The following CFLAR variants were observed in gnomAD, a reference collection of about 807,000 sequenced individuals.
The protein encoded by CFLAR is CASP8 and FADD like apoptosis regulator.
CFLAR carries 14 observed loss-of-function variants against 51.1 expected under a neutral mutation model. The ratio of observed to expected loss-of-function variants is 0.27; its 90% CI spans 0.18 to 0.43. CFLAR has a LOEUF of 0.43. CFLAR is among the 20% of genes least tolerant of loss of function. The pLI is 1.00. For synonymous variants in CFLAR, 210 were observed against 211.6 expected (o/e 0.99, Z 0.06); for missense variants, 390 against 566.5 (o/e 0.69, Z 3.16).
At position 201,116,170 on chromosome 2, in the gene CFLAR, G is replaced by C. The variant is rs1319384824; in HGVS notation, c.-449G>C. On this transcript the variant is annotated 5_prime_UTR_variant, in exon 1 of 10. Coordinates refer to ENST00000309955, the MANE Select transcript of CFLAR (RefSeq NM_003879.7). This position sits in a 1 kb window ranked among gnomAD's most constrained non-coding sequence, Gnocchi z 4.8. ...GGTTACTGCATACTCAGTCACACAA[G>C]CCATAGCAGGAAACAGCGAGCTTGC... 1 of 152,218 alleles carries C rather than the reference G, an allele frequency of 6.6e-6. No homozygotes were observed. Among genetic ancestry groups the C allele is most frequent in the African/African-American group, 2.4e-5 (1 of 41,460 alleles). 9.4% of individuals were successfully genotyped at this position (152,218 alleles called of 1,614,324 possible). A position where few individuals can be genotyped will look rare whatever the true frequency, so the allele number is the denominator to read the frequency against.
chr2:201,138,412 A>C lies in CFLAR; in HGVS notation c.524-1945A>C. 1 of 789,950 alleles carries C rather than the reference A, an allele frequency of 1.3e-6. No homozygotes were observed. Among genetic ancestry groups the C allele is most frequent in the Non-Finnish European group, 2.3e-6 (1 of 434,132 alleles). 48.9% of individuals were successfully genotyped at this position (789,950 alleles called of 1,614,324 possible). A position where few individuals can be genotyped will look rare whatever the true frequency, so the allele number is the denominator to read the frequency against. On this transcript the variant is annotated intron_variant, in intron 4 of 9. Coordinates refer to ENST00000309955, the MANE Select transcript of CFLAR (RefSeq NM_003879.7). This position sits in a 1 kb window ranked among gnomAD's most constrained non-coding sequence, Gnocchi z 4.0. ...TGCAGGTGATAATGGCCACCAGCTC[A>C]TCGCGATCATTGACGATAGGCAGCT...
At chr2:201,134,256 C>T (rs866311023) in intron 3 of CFLAR, among the ~76,000 whole-genome samples, 6 of 151,012 alleles carry the variant, frequency 4.0e-5, no homozygotes, top group Admixed American at 1.3e-4. Flanking sequence ...TGCAGTGAGT[C>T]GAGATTGCAC....
Position 201,138,887 on chromosome 2 carries a change from T to A in CFLAR, c.524-1470T>A. On this transcript the variant is annotated intron_variant, in intron 4 of 9. Transcript: ENST00000309955. The surrounding 1 kb of genome is among the most constrained non-coding windows in gnomAD (Gnocchi z 4.0). ...TCAGCGGCGTCTTCAGAGTGACCAT[T>A]GGGTCAGGGCTGAGGTCAGGTCCAC... is the stretch of plus-strand genomic sequence containing the variant. 1 of 691,462 alleles carries A rather than the reference T, an allele frequency of 1.4e-6. No homozygotes were observed. Among genetic ancestry groups the A allele is most frequent in the Non-Finnish European group, 2.7e-6 (1 of 370,322 alleles). The allele number at this position is 691,462 out of a possible 1,614,324, so 42.8% of individuals were successfully genotyped here. A position where few individuals can be genotyped will look rare whatever the true frequency, so the allele number is the denominator to read the frequency against.
chr2:201,137,815 AGCCCAT>A, intron 4 of CFLAR: 1 of 1,206,248 alleles, frequency 8.3e-7, no homozygotes, highest in Non-Finnish European at 1.2e-6. Context: ...GCATCCAGTG[AGCCCAT>A]GCCCTGGTAC....
intron 8 of CFLAR, 24 bp from the exon 9 acceptor site, chr2:201,160,408 G>GTT: frequency 6.2e-7 from 1 of 1,602,686 alleles, no homozygotes; most frequent in South Asian, 1.1e-5. Flanking sequence ...GTTGTTTTCC[G>GTT]TGTTTGTTTT....
At chr2:201,155,099 G>A (rs1196747597) in intron 8 of CFLAR, among the ~76,000 whole-genome samples, 1 of 152,204 alleles carries the variant, frequency 6.6e-6, no homozygotes, top group Non-Finnish European at 1.5e-5. Context: ...CCTGTGCTAG[G>A]CCCTGGTGGG....
intron 1 of CFLAR, chr2:201,129,502 G>A: frequency 2.6e-6 from 1 of 385,722 alleles, no homozygotes; most frequent in Non-Finnish European, 4.6e-6. Context: ...TTCATCTGTT[G>A]TTTCATTTCC....
chr2:201,120,958 A>G (rs930894393), intron 1 of CFLAR, among the ~76,000 whole-genome samples: 1 of 152,180 alleles, frequency 6.6e-6, no homozygotes, highest in African/African-American at 2.4e-5. Context: ...TAAATGAAAA[A>G]AGTAACTCCT....
At chr2:201,152,388 G>A (rs151064186) in intron 8 of CFLAR, among the ~76,000 whole-genome samples, 34 of 152,180 alleles carry the variant, frequency 2.2e-4, no homozygotes, top group African/African-American at 8.2e-4. Flanking sequence ...CTGTAAAGTG[G>A]GTTAATAACA....
Position 201,138,044 on chromosome 2 carries a change from G to T in CFLAR, c.523+1937G>T. 1.4e-6 allele frequency: 1 copy of T among 723,410 alleles called. No homozygotes were observed. 44.8% of individuals were successfully genotyped at this position (723,410 alleles called of 1,614,324 possible). On this transcript the variant is annotated intron_variant, in intron 4 of 9. Coordinates refer to ENST00000309955, the MANE Select transcript of CFLAR (RefSeq NM_003879.7). This position sits in a 1 kb window ranked among gnomAD's most constrained non-coding sequence, Gnocchi z 4.0. Reference sequence around the variant, plus strand: ...ACACAGCAGTGCCCTGGGGCTGACTGCAGGCTATCACTTCCTGGTTGATGT... The same window carrying T: ...ACACAGCAGTGCCCTGGGGCTGACTTCAGGCTATCACTTCCTGGTTGATGT...
chr2:201,138,927 A>T lies in CFLAR; in HGVS notation c.524-1430A>T. On this transcript the variant is annotated intron_variant, in intron 4 of 9. Coordinates refer to ENST00000309955, the MANE Select transcript of CFLAR (RefSeq NM_003879.7). This position sits in a 1 kb window ranked among gnomAD's most constrained non-coding sequence, Gnocchi z 4.0. ...GTCAGGTCCACCTCATCAGCTATGAAGTCTATGAATCCTGGGAGAATCAAG... is the reference window on the plus strand; with the variant it reads ...GTCAGGTCCACCTCATCAGCTATGATGTCTATGAATCCTGGGAGAATCAAG... 1 of 641,344 alleles carries T rather than the reference A, an allele frequency of 1.6e-6. No individual in the cohort carries two copies. The highest frequency in any genetic ancestry group is 1.8e-5 in the Admixed American group (1 of 54,910). The allele number at this position is 641,344 out of a possible 1,614,324, so 39.7% of individuals were successfully genotyped here.
intron 5 of CFLAR, among the ~76,000 whole-genome samples, chr2:201,142,989 A>T (rs1939291102): frequency 6.6e-6 from 1 of 152,182 alleles, no homozygotes; most frequent in African/African-American, 2.4e-5. Context: ...CAGATTTAGG[A>T]TTCAGATCCA....
Position 201,175,095 on chromosome 2 carries a change from T to C in CFLAR, c.*11122T>C, listed in dbSNP as rs2125995341. 6.6e-6 allele frequency: 1 copy of C among 152,362 alleles called. No individual in the cohort carries two copies. Among genetic ancestry groups the C allele is most frequent in the South Asian group, 2.1e-4 (1 of 4,830 alleles). 9.4% of individuals were successfully genotyped at this position (152,362 alleles called of 1,614,324 possible). A position where few individuals can be genotyped will look rare whatever the true frequency, so the allele number is the denominator to read the frequency against. Reference sequence around the variant, plus strand: ...CCCCACTTCTTTCCTGGAAAACTCATGAATAAGCCACCTCTTGTTTAGCGT... The same window carrying C: ...CCCCACTTCTTTCCTGGAAAACTCACGAATAAGCCACCTCTTGTTTAGCGT... On this transcript the variant is annotated 3_prime_UTR_variant, in exon 10 of 10. Coordinates refer to ENST00000309955, the MANE Select transcript of CFLAR (RefSeq NM_003879.7).
At chr2:201,141,942 T>C (rs1939000234) in intron 5 of CFLAR, 1 of 152,388 alleles carries the variant, frequency 6.6e-6, no homozygotes, top group Non-Finnish European at 1.5e-5. Flanking sequence ...CTAGCAGGCT[T>C]TTCAGTTTTT....
rs1264481528 is a variant in CFLAR, at chr2:201,173,721, G to C, written c.*9748G>C. The C allele has an allele frequency of 6.7e-6, 1 of 149,380 alleles. No homozygotes were observed. Among genetic ancestry groups the C allele is most frequent in the Non-Finnish European group, 1.5e-5 (1 of 67,998 alleles). 9.3% of individuals were successfully genotyped at this position (149,380 alleles called of 1,614,324 possible). A position where few individuals can be genotyped will look rare whatever the true frequency, so the allele number is the denominator to read the frequency against. ...GAATCTCACTCTGTCGCCCAGGTTG[G>C]AGTGCAGTGGTGCAATCTCGGCTCA... On this transcript the variant is annotated 3_prime_UTR_variant, in exon 10 of 10. Coordinates refer to ENST00000309955, the MANE Select transcript of CFLAR (RefSeq NM_003879.7).
At position 201,149,755 on chromosome 2, in the gene CFLAR, G is replaced by T; in HGVS notation, c.713G>T (p.Ser238Ile). ...AGCATTTCTTGTCTTCCTTTCCAGAGCATACCTGAAGAGAGATACAAGATG... is the reference window on the plus strand; with the variant it reads ...AGCATTTCTTGTCTTCCTTTCCAGATCATACCTGAAGAGAGATACAAGATG... Reference protein sequence around the residue: ...IQESEAFLPQSIPEERYKMKS... With the variant: ...IQESEAFLPQIIPEERYKMKS... Residue 238 changes from serine (S) to isoleucine (I), a missense_variant and splice_region_variant, in exon 8 of 10, where the codon AGC (serine) becomes ATC (isoleucine). Transcript: ENST00000309955. 1.2e-6 allele frequency: 2 copies of T among 1,611,274 alleles called. No individual in the cohort carries two copies. The highest frequency in any genetic ancestry group is 1.7e-6 in the Non-Finnish European group (2 of 1,177,552).
In CFLAR at chr2:201,138,979, ACTGG is replaced by A; in HGVS notation, c.524-1376_524-1373del. ...AGTCGTTGTAGGTGAGTCCCTGGTC[ACTGG>A]CGAAGAGCTGCTGCACGGTGTGGGG... On this transcript the variant is annotated intron_variant, in intron 4 of 9. Coordinates refer to ENST00000309955, the MANE Select transcript of CFLAR (RefSeq NM_003879.7). The surrounding 1 kb of genome is among the most constrained non-coding windows in gnomAD (Gnocchi z 4.0). The A allele has an allele frequency of 1.8e-6, 1 of 559,530 alleles. No individual in the cohort carries two copies. Among genetic ancestry groups the A allele is most frequent in the Non-Finnish European group, 3.5e-6 (1 of 289,014 alleles). 34.7% of individuals were successfully genotyped at this position (559,530 alleles called of 1,614,324 possible). A position where few individuals can be genotyped will look rare whatever the true frequency, so the allele number is the denominator to read the frequency against.
chr2:201,155,976 C>T (rs1405334887), intron 8 of CFLAR, among the ~76,000 whole-genome samples: 1 of 152,138 alleles, frequency 6.6e-6, no homozygotes, highest in Non-Finnish European at 1.5e-5. Context: ...CCAGGGCGGT[C>T]TTGAACTCCT....
At chr2:201,142,408 C>G (rs1001895581) in intron 5 of CFLAR, among the ~76,000 whole-genome samples, 1 of 152,016 alleles carries the variant, frequency 6.6e-6, no homozygotes, top group Non-Finnish European at 1.5e-5. Flanking sequence ...AATGCAATTT[C>G]AGAGCTAAAA....
Sources: gnomAD v4.1 joint callset for allele counts (sites outside exome capture counted in the v4.1 genomes callset) on GRCh38, gnomAD v4.1.1 for gene constraint, Gnocchi (gnomAD v3.1) non-coding constraint, MANE v1.5 for transcripts, NCBI Gene and HGNC (gene_info 2026-07-23, HGNC 2026-07-21) for gene names.